The following HAVCR1 variants were observed in gnomAD, a reference collection of about 807,000 sequenced individuals.
HAVCR1 encodes the protein hepatitis A virus cellular receptor 1, also known as T cell immunoglobin domain and mucin domain protein 1.
HAVCR1 carries 34 observed loss-of-function variants against 32.0 expected under a neutral mutation model. The observed-to-expected ratio is 1.06, with a 90% CI of 0.81 to 1.42. The LOEUF is 1.42. Ranked by LOEUF, HAVCR1 falls within the 40% of genes most tolerant of loss-of-function variation. The pLI is 0.00. For missense variants in HAVCR1, 420 were observed against 442.3 expected (o/e 0.95, Z 0.45); for synonymous variants, 178 against 170.3 (o/e 1.05, Z -0.35).
rs142603344 is a variant in HAVCR1 at position 157,044,676 on chromosome 5, A to AGAAAGAAAGAAGGGAG, written c.782-1995_782-1994insCTCCCTTCTTTCTTTC. Among the ~76,000 whole-genome samples, 5 of 109,454 alleles carry AGAAAGAAAGAAGGGAG rather than the reference A, an allele frequency of 4.6e-5. 1 individual carries two copies. Among genetic ancestry groups the AGAAAGAAAGAAGGGAG allele is most frequent in the African/African-American group, 1.6e-4 (5 of 31,768 alleles). The allele number at this position is 109,454 out of a possible 152,430, so 71.8% of individuals were successfully genotyped here. A position where few individuals can be genotyped will look rare whatever the true frequency, so the allele number is the denominator to read the frequency against. ...AAGAAAGAAAGAAAGAAAGAAAGAA[A>AGAAAGAAAGAAGGGAG]GGAGGGAGGGAGGAAGGAAGGAAGG... On this transcript the variant is annotated intron_variant, in intron 5 of 8. Transcript: ENST00000523175.
chr5:157,059,830 G>A (rs1040882392), upstream of HAVCR1, among the ~76,000 whole-genome samples: 20 of 150,562 alleles, frequency 1.3e-4, no homozygotes, highest in African/African-American at 4.4e-4. Context: ...CAAAAAAAAC[G>A]AACAAAAAAT....
At chr5:157,032,109 A>T (rs981576457) in intron 8 of HAVCR1, among the ~76,000 whole-genome samples, 92 of 152,290 alleles carry the variant, frequency 6.0e-4, no homozygotes, top group Non-Finnish European at 1.1e-3. Flanking sequence ...TAAAAGAACC[A>T]TGCTTATTTG....
At chr5:157,054,306 C>T (rs1357115028) in intron 3 of HAVCR1, among the ~76,000 whole-genome samples, 2 of 151,924 alleles carry the variant, frequency 1.3e-5, no homozygotes, top group South Asian at 4.1e-4. Flanking sequence ...TCAAGACCAG[C>T]CTGGCCAACA....
upstream of HAVCR1, among the ~76,000 whole-genome samples, chr5:157,059,507 T>C (rs1487131132): frequency 6.6e-6 from 1 of 151,898 alleles, no homozygotes; most frequent in African/African-American, 2.4e-5. Context: ...AAACCCCGAC[T>C]CTACTAAAAA....
the HAVCR1 span, among the ~76,000 whole-genome samples, chr5:157,067,794 T>C: frequency 0.058 from 8,896 of 152,172 alleles, 838 homozygotes; most frequent in African/African-American, 0.2. Flanking sequence ...GTTAAAGCGA[T>C]TCTCCTGTGT....
Position 157,049,023 on chromosome 5 carries a change from A to C in HAVCR1, c.781+15T>G. On this transcript the variant is annotated intron_variant, in intron 5 of 8. Coordinates refer to ENST00000523175, the MANE Select transcript of HAVCR1 (RefSeq NM_001173393.3). ...TTGAATGATCCCAGGTCTTCAGGAA[A>C]GAGAACGCAGTTACCTGTTGTGTAA... 1 of 1,409,470 alleles carries C rather than the reference A, an allele frequency of 7.1e-7. No homozygotes were observed. Among genetic ancestry groups the C allele is most frequent in the Non-Finnish European group, 1.0e-6 (1 of 993,122 alleles). The allele number at this position is 1,409,470 out of a possible 1,614,324, so 87.3% of individuals were successfully genotyped here.
intron 5 of HAVCR1, among the ~76,000 whole-genome samples, chr5:157,044,464 A>G (rs867213674): frequency 1.7e-4 from 13 of 77,230 alleles, no homozygotes; most frequent in African/African-American, 6.1e-4. Flanking sequence ...AGAAAGAAAG[A>G]AAGAAAGGAA....
intron 5 of HAVCR1, among the ~76,000 whole-genome samples, chr5:157,045,250 G>T (rs1275079432): frequency 6.6e-6 from 1 of 152,100 alleles, no homozygotes; most frequent in Non-Finnish European, 1.5e-5. Flanking sequence ...GAATATAGTT[G>T]ACTGCTACAG....
At chr5:157,057,382 GAGAGGAAAGAAAGAAAGAAA>G (rs1399421887) in intron 2 of HAVCR1, among the ~76,000 whole-genome samples, 235 of 133,862 alleles carry the variant, frequency 1.8e-3, no homozygotes, top group Middle Eastern at 7.6e-3. Context: ...GAGAGAGAGA[GAGAGGAAAGAAAGAAAGAAA>G]GAAAGAAAGA....
intron 4 of HAVCR1, 100 bp downstream of exon 4, chr5:157,052,261 C>T (rs1755780583): frequency 2.0e-5 from 21 of 1,030,630 alleles, no homozygotes; most frequent in Non-Finnish European, 2.9e-5. Context: ...CCAGGTAAGA[C>T]CCCTCACTCT....
chr5:157,039,788 A>T (rs953464191), intron 6 of HAVCR1, among the ~76,000 whole-genome samples: 2 of 152,226 alleles, frequency 1.3e-5, no homozygotes, highest in Non-Finnish European at 2.9e-5. Flanking sequence ...TTTATTTATT[A>T]GTTCAATTTT....
intron 5 of HAVCR1, among the ~76,000 whole-genome samples, chr5:157,044,427 GAAAGAAAGAAAGAAAGAAAGAAA>G (rs1755132932): frequency 7.3e-5 from 2 of 27,228 alleles, no homozygotes; most frequent in Admixed American, 5.7e-4. Context: ...GAAGGAGAAA[GAAAGAAAGAAAGAAAGAAAGAAA>G]GAAAGAAAGA....
rs1333781724 is a variant in HAVCR1 at position 157,037,301 on chromosome 5, C to T, written c.898G>A (p.Val300Ile). ...ANTTKGIYAG[V>I]CISVLVLLAL... Reference sequence around the variant, plus strand: ...AGAAGCACCAAGACAGAAATACAGACTCCAGCATAGATTCCTTTAGTGGTA... The same window carrying T: ...AGAAGCACCAAGACAGAAATACAGATTCCAGCATAGATTCCTTTAGTGGTA... The change falls in exon 7 of 9, where the codon GTC becomes ATC. Residue 300 changes from valine to isoleucine, a missense_variant. Transcript: ENST00000523175. 1.9e-6 allele frequency: 3 copies of T among 1,608,312 alleles called. No individual in the cohort carries two copies.
intron 4 of HAVCR1, among the ~76,000 whole-genome samples, chr5:157,050,992 C>T (rs1018455230): frequency 1.1e-4 from 17 of 152,130 alleles, no homozygotes; most frequent in African/African-American, 3.9e-4. Flanking sequence ...CAGAGCCACC[C>T]TAAGGGGTCA....
chr5:157,062,981 G>T (rs1366147637), upstream of HAVCR1, among the ~76,000 whole-genome samples: 1 of 151,796 alleles, frequency 6.6e-6, no homozygotes, highest in Non-Finnish European at 1.5e-5. Context: ...TTAGCCAGGC[G>T]TGGTGGCGCG....
chr5:157,061,476 G>A (rs897858410), upstream of HAVCR1, among the ~76,000 whole-genome samples: 9 of 152,152 alleles, frequency 5.9e-5, no homozygotes, highest in Admixed American at 5.9e-4. Flanking sequence ...AGGAGGCCGA[G>A]GTGGGAGGAT....
chr5:157,061,641 A>T (rs981113034), upstream of HAVCR1, among the ~76,000 whole-genome samples: 1 of 151,944 alleles, frequency 6.6e-6, no homozygotes, highest in Non-Finnish European at 1.5e-5. Context: ...CGGGAGGCAG[A>T]ATTTACCCTG....
intron 5 of HAVCR1, among the ~76,000 whole-genome samples, chr5:157,044,439 G>GA (rs1174328703): frequency 1.6e-3 from 55 of 34,752 alleles, no homozygotes; most frequent in East Asian, 6.8e-3. Context: ...AAGAAAGAAA[G>GA]AAAGAAAGAA....
chr5:157,064,823 G>A, the HAVCR1 span, among the ~76,000 whole-genome samples: 9 of 152,110 alleles, frequency 5.9e-5, no homozygotes, highest in Non-Finnish European at 7.3e-5. Flanking sequence ...AGCCAAGATC[G>A]TGACACTGCA....
Sources: allele counts gnomAD v4.1 joint callset (sites outside exome capture counted in the v4.1 genomes callset), GRCh38; gene constraint gnomAD v4.1.1; transcripts MANE v1.5; gene names NCBI Gene and HGNC (gene_info 2026-07-23, HGNC 2026-07-21).